The following EVI5L variants were observed in gnomAD, a reference collection of about 807,000 sequenced individuals.
EVI5L encodes EVI5-like protein.
EVI5L carries 30 observed loss-of-function variants against 106.1 expected under a neutral mutation model. The ratio of observed to expected loss-of-function variants is 0.28; its 90% CI spans 0.21 to 0.38. The LOEUF (loss-of-function observed/expected upper bound fraction) is 0.38. Among genes scored for constraint, EVI5L ranks in the 10% least tolerant of loss-of-function variants. The pLI is 1.00. For synonymous variants in EVI5L, 489 were observed against 483.3 expected (o/e 1.01, Z -0.15); for missense variants, 809 against 1,098.0 (o/e 0.74, Z 3.72).
At chr19:7,851,613 C>A in intron 7 of EVI5L, 36 bp downstream of exon 7, 1 of 1,598,812 alleles carries the variant, frequency 6.3e-7, no homozygotes, top group Non-Finnish European at 8.5e-7. Flanking sequence ...GGAAGAGAGC[C>A]CCTTGGGGGT....
At chr19:7,860,341 C>G (rs1308791884) in intron 13 of EVI5L, among the ~76,000 whole-genome samples, 1 of 152,212 alleles carries the variant, frequency 6.6e-6, no homozygotes, top group Non-Finnish European at 1.5e-5. Context: ...AATGTCCCCT[C>G]TGTGCAGCCT....
chr19:7,851,772 TG>T lies in EVI5L; in HGVS notation c.987+5del. The T allele has an allele frequency of 6.7e-7, 1 of 1,496,974 alleles. No homozygotes were observed. Among genetic ancestry groups the T allele is most frequent in the Non-Finnish European group, 8.9e-7 (1 of 1,125,260 alleles). 92.7% of individuals were successfully genotyped at this position (1,496,974 alleles called of 1,614,324 possible). ...CTGGACATGGAGGGGATGTCCCAGG[TG>T]GGCCGGGAGGGCCAGGGCCGGTGGG... On this transcript the variant is annotated splice_donor_region_variant and intron_variant, in intron 8 of 19. Transcript: ENST00000538904.
In EVI5L at chr19:7,850,357, C is replaced by T. The variant is rs1317032546; in HGVS notation, c.753+235C>T. On this transcript the variant is annotated intron_variant, in intron 6 of 19. Transcript: ENST00000538904. This position sits in a 1 kb window ranked among gnomAD's most constrained non-coding sequence, Gnocchi z 5.4. ...GATGCTTGGAGGAACAGGAGAGCCA[C>T]CACTGAAGGGGGGCTCCCAGGGCTG... Among the ~76,000 whole-genome samples the T allele has an allele frequency of 6.6e-6, 1 of 152,160 alleles. No individual in the cohort carries two copies. The highest frequency in any genetic ancestry group is 1.5e-5 in the Non-Finnish European group (1 of 68,006).
At chr19:7,847,651 G>C (rs938036659) in intron 2 of EVI5L, 81 bp from the exon 3 acceptor site, 6 of 1,471,036 alleles carry the variant, frequency 4.1e-6, no homozygotes, top group Admixed American at 2.1e-5. Context: ...ACCCCCAGGA[G>C]GGGGAGGATG....
intron 1 of EVI5L, among the ~76,000 whole-genome samples, chr19:7,842,577 A>C (rs1248453603): frequency 6.9e-6 from 1 of 144,690 alleles, no homozygotes; most frequent in Non-Finnish European, 1.5e-5. Context: ...GTGTGTGTGC[A>C]TGTATCAAGC....
At position 7,863,169 on chromosome 19, in the gene EVI5L, C is replaced by G. The variant is rs1222442512; in HGVS notation, c.2044-16C>G. The G allele has an allele frequency of 6.4e-7, 1 of 1,550,904 alleles. No individual in the cohort carries two copies. Among genetic ancestry groups the G allele is most frequent in the Non-Finnish European group, 8.7e-7 (1 of 1,147,538 alleles). On this transcript the variant is annotated splice_polypyrimidine_tract_variant and intron_variant, in intron 18 of 19. Transcript: ENST00000538904. The surrounding 1 kb of genome is among the most constrained non-coding windows in gnomAD (Gnocchi z 7.7). ...CAGCATGGCACTGGCCCCGCGTGAC[C>G]TGGCGCACCCCGCAGAGGGAGGAAG...
chr19:7,833,188 A>G (rs1178577266), intron 1 of EVI5L, among the ~76,000 whole-genome samples: 3 of 152,196 alleles, frequency 2.0e-5, no homozygotes, highest in Non-Finnish European at 2.9e-5. Context: ...GGAGGAATGT[A>G]TATTTCAATT....
rs1978330230 is a variant in EVI5L at position 7,835,795 on chromosome 19, T to G, written c.-48+5414T>G. 6.6e-6 allele frequency among the ~76,000 whole-genome samples: 1 copy of G among 152,196 alleles called. No individual in the cohort carries two copies. The highest frequency in any genetic ancestry group is 1.5e-5 in the Non-Finnish European group (1 of 68,038). On this transcript the variant is annotated intron_variant, in intron 1 of 19. Transcript: ENST00000538904. The surrounding 1 kb of genome is among the most constrained non-coding windows in gnomAD (Gnocchi z 4.1). ...CCAAGGACGAGAGGACCTAAGGTGC[T>G]AGGTTGGGCCATTTCCCCAGAGGTC...
At position 7,838,105 on chromosome 19, in the gene EVI5L, G is replaced by T. The variant is rs1464227157; in HGVS notation, c.-48+7724G>T. Among the ~76,000 whole-genome samples the T allele has an allele frequency of 1.5e-3, 221 of 145,374 alleles. 2 individuals carry two copies. The highest frequency in any genetic ancestry group is 4.8e-3 in the African/African-American group (189 of 39,414). On this transcript the variant is annotated intron_variant, in intron 1 of 19. Transcript: ENST00000538904. ...TTTTTTTTTTGGTTGGTTTTTTTTT[G>T]TTTTGTTTTGTTTTGTTTTTTGAGA... is the stretch of plus-strand genomic sequence containing the variant.
Position 7,848,287 on chromosome 19 carries a change from T to C in EVI5L, c.327+366T>C, listed in dbSNP as rs1979060251. Among the ~76,000 whole-genome samples the C allele has an allele frequency of 6.6e-6, 1 of 151,640 alleles. No homozygotes were observed. Among genetic ancestry groups the C allele is most frequent in the Non-Finnish European group, 1.5e-5 (1 of 67,878 alleles). ...GGGCAACGTAATGAGACTCCGACTCTATAAAAAGTTTAAAAATTAGCCAGG... is the reference window on the plus strand; with the variant it reads ...GGGCAACGTAATGAGACTCCGACTCCATAAAAAGTTTAAAAATTAGCCAGG... On this transcript the variant is annotated intron_variant, in intron 3 of 19. Transcript: ENST00000538904. The surrounding 1 kb of genome is among the most constrained non-coding windows in gnomAD (Gnocchi z 4.8).
chr19:7,855,425 C>G (rs563939612), intron 10 of EVI5L, among the ~76,000 whole-genome samples: 1 of 152,232 alleles, frequency 6.6e-6, no homozygotes, highest in Non-Finnish European at 1.5e-5. Context: ...AATCCATCAG[C>G]ACAGAATGGA....
Position 7,862,113 on chromosome 19 carries a change from AC to A in EVI5L, c.1645-3del, listed in dbSNP as rs779584006. On this transcript the variant is annotated splice_polypyrimidine_tract_variant and splice_region_variant and intron_variant, in intron 15 of 19. Coordinates refer to ENST00000538904, the MANE Select transcript of EVI5L (RefSeq NM_001159944.3). ...GGCTGACCGCCGGCTTCTCGGCTTC[AC>A]CCCCCAGGCCCATCTGGCCCGCGGC... is the stretch of plus-strand genomic sequence containing the variant. 49 of 1,558,188 alleles carry A rather than the reference AC, an allele frequency of 3.1e-5. No individual in the cohort carries two copies. In the East Asian group the frequency reaches 9.9e-4, roughly 31 times the overall value.
At chr19:7,859,494 C>T (rs1197705295) in intron 13 of EVI5L, among the ~76,000 whole-genome samples, 3 of 152,246 alleles carry the variant, frequency 2.0e-5, no homozygotes, top group South Asian at 2.1e-4. Context: ...GGGATTCTAG[C>T]GGATCCACTG....
chr19:7,843,339 T>G (rs1005629309), intron 1 of EVI5L, among the ~76,000 whole-genome samples: 26 of 144,142 alleles, frequency 1.8e-4, no homozygotes, highest in African/African-American at 6.5e-4. Flanking sequence ...AGTGTGCATG[T>G]GTGTGTATAG....
intron 1 of EVI5L, among the ~76,000 whole-genome samples, chr19:7,834,099 C>T (rs909083950): frequency 2.0e-5 from 3 of 152,186 alleles, no homozygotes; most frequent in Non-Finnish European, 4.4e-5. Flanking sequence ...GTAATCCCGG[C>T]ACTTTGGGAG....
chr19:7,863,076 C>A lies in EVI5L; in HGVS notation c.2043+9C>A. On this transcript the variant is annotated intron_variant, in intron 18 of 19. Transcript: ENST00000538904. The surrounding 1 kb of genome is among the most constrained non-coding windows in gnomAD (Gnocchi z 7.7). Reference sequence around the variant, plus strand: ...CCGAGCTGGAGATCCAGGTGATCGGCGGGGCCGGGGTCGGGGGGCGGGGGC... The same window carrying A: ...CCGAGCTGGAGATCCAGGTGATCGGAGGGGCCGGGGTCGGGGGGCGGGGGC... 1 of 1,201,286 alleles carries A rather than the reference C, an allele frequency of 8.3e-7. No individual in the cohort carries two copies. Among genetic ancestry groups the A allele is most frequent in the East Asian group, 2.7e-5 (1 of 36,914 alleles). The allele number at this position is 1,201,286 out of a possible 1,614,324, so 74.4% of individuals were successfully genotyped here.
chr19:7,855,640 C>G (rs1979484088), intron 10 of EVI5L, among the ~76,000 whole-genome samples: 1 of 152,170 alleles, frequency 6.6e-6, no homozygotes. Context: ...TGGGTGGTGG[C>G]TGCTCGACAG....
Position 7,863,618 on chromosome 19 carries a change from G to A in EVI5L, c.2334G>A (p.Glu778=), listed in dbSNP as rs1477275316. The change falls in exon 20 of 20, where the codon GAG becomes GAA. Residue 778 remains glutamate (E), a synonymous_variant. Coordinates refer to ENST00000538904, the MANE Select transcript of EVI5L (RefSeq NM_001159944.3). This position sits in a 1 kb window ranked among gnomAD's most constrained non-coding sequence, Gnocchi z 7.7. ...PRDARFFRRL[E]RPAKDSEGSS... ...ATGCGCGCTTCTTCCGCCGTCTGGA[G>A]CGGCCGGCCAAGGACAGCGAGGGCA... 1 of 1,561,008 alleles carries A rather than the reference G, an allele frequency of 6.4e-7. No homozygotes were observed. Among genetic ancestry groups the A allele is most frequent in the Non-Finnish European group, 8.7e-7 (1 of 1,153,786 alleles).
At position 7,857,516 on chromosome 19, in the gene EVI5L, G is replaced by A. The variant is rs925686146; in HGVS notation, c.1233+392G>A. On this transcript the variant is annotated intron_variant, in intron 12 of 19. Transcript: ENST00000538904. The surrounding 1 kb of genome is among the most constrained non-coding windows in gnomAD (Gnocchi z 4.5). Reference sequence around the variant, plus strand: ...TGCACACACACACACGCACACACACGCCCGGCCCTCACGCTGCTGCTCTCT... The same window carrying A: ...TGCACACACACACACGCACACACACACCCGGCCCTCACGCTGCTGCTCTCT... The A allele has an allele frequency of 3.6e-5, 12 of 334,256 alleles. No individual in the cohort carries two copies. Among genetic ancestry groups the A allele is most frequent in the Admixed American group, 8.8e-5 (2 of 22,632 alleles). 20.7% of individuals were successfully genotyped at this position (334,256 alleles called of 1,614,324 possible). A position where few individuals can be genotyped will look rare whatever the true frequency, so the allele number is the denominator to read the frequency against.
Sources: gnomAD v4.1 joint callset for allele counts (sites outside exome capture counted in the v4.1 genomes callset) on GRCh38, gnomAD v4.1.1 for gene constraint, Gnocchi (gnomAD v3.1) non-coding constraint, MANE v1.5 for transcripts, NCBI Gene and HGNC (gene_info 2026-07-23, HGNC 2026-07-21) for gene names.